MALRD1: variants seen among roughly 807,000 people sequenced by gnomAD.
MALRD1 encodes MAM and LDL receptor class A domain containing 1.
A neutral mutation model predicts 242.1 loss-of-function variants in MALRD1; 247 were observed. The observed-to-expected ratio is 1.02, with a 90% CI of 0.92 to 1.13. The LOEUF is 1.13. MALRD1 is among the 50% of genes most tolerant of loss of function. MALRD1 has a pLI of 0.00. For missense variants in MALRD1, 2,989 were observed against 2,533.1 expected, an observed-to-expected ratio of 1.18 and a Z score of -3.86; for synonymous variants, 995 against 866.6, an observed-to-expected ratio of 1.15 and a Z score of -2.60.
At chr10:19,591,495 T>C (rs1025071698) in intron 33 of MALRD1, among the ~76,000 whole-genome samples, 5 of 140,858 alleles carry the variant, frequency 3.5e-5, no homozygotes, top group African/African-American at 1.4e-4. Context: ...CCTTTTATTT[T>C]AGTTTTTTTT....
chr10:19,459,162 C>A (rs572916897), intron 29 of MALRD1, among the ~76,000 whole-genome samples: 177 of 152,176 alleles, frequency 1.2e-3, no homozygotes, highest in Middle Eastern at 3.4e-3. Context: ...AGCTATCAAT[C>A]CTTTGCAGGT....
At chr10:19,479,200 T>G (rs1424129354) in intron 29 of MALRD1, among the ~76,000 whole-genome samples, 1 of 152,190 alleles carries the variant, frequency 6.6e-6, no homozygotes, top group Non-Finnish European at 1.5e-5. Flanking sequence ...TCTTTCAGAA[T>G]GGGCAAGTTT....
intron 29 of MALRD1, among the ~76,000 whole-genome samples, chr10:19,465,384 T>C (rs796879264): frequency 7.2e-5 from 11 of 152,298 alleles, no homozygotes; most frequent in African/African-American, 2.6e-4. Context: ...TTTCTGAGCT[T>C]AAACATATGT....
chr10:19,538,459 A>T (rs1285653487), intron 32 of MALRD1, among the ~76,000 whole-genome samples: 1 of 152,166 alleles, frequency 6.6e-6, no homozygotes, highest in African/African-American at 2.4e-5. Context: ...TTACATGTCA[A>T]ATTAATGCAC....
chr10:19,100,217 A>C (rs2358310), intron 4 of MALRD1, among the ~76,000 whole-genome samples: 90,725 of 151,834 alleles, frequency 0.6, 28,152 homozygotes, highest in African/African-American at 0.78. Context: ...CCACATAGAC[A>C]CATTGGTAAA....
At chr10:19,713,233 T>C (rs1301905049) in intron 38 of MALRD1, among the ~76,000 whole-genome samples, 1 of 152,192 alleles carries the variant, frequency 6.6e-6, no homozygotes, top group Non-Finnish European at 1.5e-5. Context: ...CTTATTCTTA[T>C]CATCAACAGA....
At chr10:19,119,183 C>T (rs1176704893) in intron 5 of MALRD1, among the ~76,000 whole-genome samples, 1 of 152,002 alleles carries the variant, frequency 6.6e-6, no homozygotes, top group African/African-American at 2.4e-5. Context: ...AAATTTCTCG[C>T]CTTAACTAGA....
At chr10:19,301,859 TAA>T (rs1841963447) in intron 21 of MALRD1, among the ~76,000 whole-genome samples, 1 of 151,590 alleles carries the variant, frequency 6.6e-6, no homozygotes, top group African/African-American at 2.4e-5. Flanking sequence ...CCATTGAACC[TAA>T]AATAAAACTT....
chr10:19,237,630 AT>A (rs1838403617), intron 18 of MALRD1, among the ~76,000 whole-genome samples: 1 of 64,218 alleles, frequency 1.6e-5, no homozygotes, highest in Non-Finnish European at 2.8e-5. Context: ...TTATATAATT[AT>A]AATTATATAT....
intron 12 of MALRD1, among the ~76,000 whole-genome samples, chr10:19,164,606 G>A (rs1053425390): frequency 1.3e-5 from 2 of 152,108 alleles, no homozygotes; most frequent in Non-Finnish European, 2.9e-5. Context: ...ATCTGAACTT[G>A]TTTTAATGGA....
At chr10:19,608,990 GTATT>G (rs1838764152) in intron 35 of MALRD1, among the ~76,000 whole-genome samples, 1 of 152,158 alleles carries the variant, frequency 6.6e-6, no homozygotes, top group African/African-American at 2.4e-5. Flanking sequence ...TATTAAGACA[GTATT>G]TATGCCAGAC....
intron 29 of MALRD1, chr10:19,491,192 G>C: frequency 1.9e-6 from 1 of 522,476 alleles, no homozygotes; most frequent in South Asian, 1.6e-5. Context: ...AGCAGGATTT[G>C]GTGGCAGGCT....
chr10:19,329,058 T>G (rs1463185428), intron 23 of MALRD1, among the ~76,000 whole-genome samples: 4 of 152,236 alleles, frequency 2.6e-5, no homozygotes, highest in Admixed American at 1.3e-4. Context: ...AATCAATTAT[T>G]AATTTAGCCA....
rs1589251673 is a variant in MALRD1, at chr10:19,570,588, C to G, written c.5680+2885C>G. On this transcript the variant is annotated intron_variant, in intron 33 of 39. Transcript: ENST00000454679. ...AATACATAATTTAGGCATTGAACACCTATGTCATATAATAGCCAATATGCG... is the reference window on the plus strand; with the variant it reads ...AATACATAATTTAGGCATTGAACACGTATGTCATATAATAGCCAATATGCG... Among the ~76,000 whole-genome samples the G allele has an allele frequency of 2.0e-5, 3 of 152,000 alleles. No homozygotes were observed. The South Asian group carries it at 6.2e-4, about 32-fold the overall frequency.
chr10:19,548,253 C>T (rs947001022), intron 32 of MALRD1, among the ~76,000 whole-genome samples: 5 of 151,912 alleles, frequency 3.3e-5, no homozygotes, highest in African/African-American at 1.2e-4. Flanking sequence ...CCCCCCTCTG[C>T]CGCCCAAAGT....
intron 18 of MALRD1, among the ~76,000 whole-genome samples, chr10:19,252,604 C>T (rs1432154412): frequency 2.6e-5 from 4 of 151,932 alleles, no homozygotes; most frequent in South Asian, 2.1e-4. Context: ...TCTTATAGTT[C>T]TTGACTACTT....
At chr10:19,441,685 G>A (rs1424839694) in intron 28 of MALRD1, among the ~76,000 whole-genome samples, 1 of 152,044 alleles carries the variant, frequency 6.6e-6, no homozygotes, top group Non-Finnish European at 1.5e-5. Context: ...TGTTCCATTG[G>A]TCTATATCTG....
intron 32 of MALRD1, among the ~76,000 whole-genome samples, chr10:19,535,250 G>T (rs1168843166): frequency 1.3e-5 from 2 of 151,936 alleles, no homozygotes; most frequent in African/African-American, 4.8e-5. Context: ...TCAAATAGTA[G>T]GAATTACTCA....
chr10:19,321,991 G>A (rs955077491), intron 21 of MALRD1, among the ~76,000 whole-genome samples: 5 of 152,094 alleles, frequency 3.3e-5, no homozygotes, highest in African/African-American at 9.7e-5. Context: ...TAATGAGGTG[G>A]TAGCATTAAA....
Sources: gnomAD v4.1 joint callset for allele counts (sites outside exome capture counted in the v4.1 genomes callset) on GRCh38, gnomAD v4.1.1 for gene constraint, MANE v1.5 for transcripts, NCBI Gene and HGNC (gene_info 2026-07-23, HGNC 2026-07-21) for gene names.